Variants in COBL observed in about 807,000 individuals in gnomAD.
COBL encodes protein cordon-bleu.
Under a neutral mutation model 98.8 loss-of-function variants are expected in COBL, and 51 were observed. The ratio of observed to expected loss-of-function variants is 0.52; its 90% CI spans 0.41 to 0.65. The LOEUF (loss-of-function observed/expected upper bound fraction) is 0.65, where lower values mean the gene tolerates loss of function less well. Ranked by LOEUF, COBL falls within the 30% of genes least tolerant of loss-of-function variation. The pLI is 0.00. For synonymous variants in COBL, 634 were observed against 651.7 expected (o/e 0.97, Z 0.41); for missense variants, 1,617 against 1,617.5 (o/e 1.00, Z 0.01).
At chr7:51,225,506 AGGTCCTT>A (rs1331011939) in intron 1 of COBL, among the ~76,000 whole-genome samples, 1 of 152,206 alleles carries the variant, frequency 6.6e-6, no homozygotes, top group Admixed American at 6.5e-5. Flanking sequence ...GAGGCAGGGC[AGGTCCTT>A]GGGACTCAGC....
chr7:51,098,914 A>T (rs559004611), intron 6 of COBL, among the ~76,000 whole-genome samples: 1 of 152,308 alleles, frequency 6.6e-6, no homozygotes, highest in African/African-American at 2.4e-5. Context: ...AACAATGACA[A>T]TAAGCAAACA....
chr7:51,138,699 CAT>C (rs1799467608), intron 5 of COBL, among the ~76,000 whole-genome samples: 1 of 152,244 alleles, frequency 6.6e-6, no homozygotes, highest in African/African-American at 2.4e-5. Flanking sequence ...TGCACTCACA[CAT>C]GTGAACACAC....
At chr7:51,306,389 G>A (rs1802476744) in intron 1 of COBL, among the ~76,000 whole-genome samples, 1 of 152,152 alleles carries the variant, frequency 6.6e-6, no homozygotes, top group East Asian at 1.9e-4. Context: ...GTTACCCAAA[G>A]AAAACACAAT....
At chr7:51,132,222 T>C (rs1016206318) in intron 6 of COBL, among the ~76,000 whole-genome samples, 1 of 152,236 alleles carries the variant, frequency 6.6e-6, no homozygotes, top group East Asian at 1.9e-4. Context: ...TTAGGCATGC[T>C]GGCTACTTCT....
In COBL at chr7:51,196,358, G is replaced by A. The variant is rs183385554; in HGVS notation, c.246-2769C>T. On this transcript the variant is annotated intron_variant, in intron 2 of 12. Coordinates refer to ENST00000265136, the MANE Select transcript of COBL (RefSeq NM_015198.5). Reference sequence around the variant, plus strand: ...TCCCAGGAATAAAGACTACTTGATCGTGGTGGACAAGATTTTTGATGTGCT... The same window carrying A: ...TCCCAGGAATAAAGACTACTTGATCATGGTGGACAAGATTTTTGATGTGCT... Among the ~76,000 whole-genome samples, 7 of 152,210 alleles carry A rather than the reference G, an allele frequency of 4.6e-5. No homozygotes were observed. The East Asian group carries it at 5.8e-4, about 13-fold the overall frequency.
chr7:51,313,367 G>C (rs1462032941), intron 1 of COBL, among the ~76,000 whole-genome samples: 1 of 152,210 alleles, frequency 6.6e-6, no homozygotes, highest in East Asian at 1.9e-4. Context: ...GACAGGACTA[G>C]AGTAGCTCAA....
intron 7 of COBL, among the ~76,000 whole-genome samples, chr7:51,049,671 G>A (rs1420835216): frequency 2.0e-5 from 3 of 152,152 alleles, no homozygotes; most frequent in African/African-American, 7.2e-5. Context: ...CTGAACACAA[G>A]CATGATTTTG....
At chr7:51,246,081 T>C (rs904705115) in intron 1 of COBL, among the ~76,000 whole-genome samples, 2 of 152,348 alleles carry the variant, frequency 1.3e-5, no homozygotes, top group Admixed American at 1.3e-4. Context: ...TAAAAATATC[T>C]AGTAGCATTT....
intron 1 of COBL, among the ~76,000 whole-genome samples, chr7:51,231,696 A>G (rs1794774504): frequency 6.6e-6 from 1 of 152,224 alleles, no homozygotes; most frequent in Non-Finnish European, 1.5e-5. Context: ...AAGAGGACTT[A>G]GAAGGGGCCT....
At chr7:51,076,861 A>G (rs1357381008) in intron 7 of COBL, among the ~76,000 whole-genome samples, 1 of 152,206 alleles carries the variant, frequency 6.6e-6, no homozygotes, top group East Asian at 1.9e-4. Context: ...CAGTCACTGA[A>G]TATTTTCATT....
intron 6 of COBL, among the ~76,000 whole-genome samples, chr7:51,099,040 A>C (rs1231379449): frequency 6.6e-6 from 1 of 152,094 alleles, no homozygotes; most frequent in African/African-American, 2.4e-5. Flanking sequence ...GGGAAATGCA[A>C]ATCAAAATTA....
rs1478293878 is a variant in COBL, at chr7:51,259,978, C to T, written c.42-40034G>A. ...TAGTCATCTGAGATGCATCTTGTCA[C>T]GTTTCTGCCACCAGGAATCATATAG... On this transcript the variant is annotated intron_variant, in intron 1 of 12. Transcript: ENST00000265136. 19 of 751,974 alleles carry T rather than the reference C, an allele frequency of 2.5e-5. No homozygotes were observed. The East Asian group carries it at 3.4e-4, about 13-fold the overall frequency. The allele number at this position is 751,974 out of a possible 1,614,324, so 46.6% of individuals were successfully genotyped here. A position where few individuals can be genotyped will look rare whatever the true frequency, so the allele number is the denominator to read the frequency against.
Position 51,220,039 on chromosome 7 carries a change from G to C in COBL, c.42-95C>G. ...TTACACATACTCAGGTCTGTCTTCA[G>C]GAGCACCTTCCAAGTGCCACGGCCT... On this transcript the variant is annotated intron_variant, in intron 1 of 12. Coordinates refer to ENST00000265136, the MANE Select transcript of COBL (RefSeq NM_015198.5). 6 of 1,197,242 alleles carry C rather than the reference G, an allele frequency of 5.0e-6. No individual in the cohort carries two copies. In the South Asian group the frequency reaches 7.8e-5, roughly 16 times the overall value. 74.2% of individuals were successfully genotyped at this position (1,197,242 alleles called of 1,614,324 possible).
At chr7:51,105,178 ACGCCCGATCTTCCAAGAC>A in intron 6 of COBL, among the ~76,000 whole-genome samples, 1 of 151,484 alleles carries the variant, frequency 6.6e-6, no homozygotes, top group African/African-American at 2.4e-5. Context: ...TGCCTACAAG[ACGCCCGATCTTCCAAGAC>A]CGCCATTAAA....
Position 51,214,988 on chromosome 7 carries a change from G to A in COBL, c.245+4753C>T, listed in dbSNP as rs187900646. The stretch of plus-strand genomic sequence containing the variant: ...GAATGCCCTGCTTCTCACATAAACC[G>A]GCATTTTGCAAGTGTTATTTTTTTT... On this transcript the variant is annotated intron_variant, in intron 2 of 12. Coordinates refer to ENST00000265136, the MANE Select transcript of COBL (RefSeq NM_015198.5). Among the ~76,000 whole-genome samples, 9 of 152,196 alleles carry A rather than the reference G, an allele frequency of 5.9e-5. No individual in the cohort carries two copies. The East Asian group carries it at 1.5e-3, about 26-fold the overall frequency.
At chr7:51,162,559 A>G (rs1786920106) in intron 5 of COBL, among the ~76,000 whole-genome samples, 1 of 152,140 alleles carries the variant, frequency 6.6e-6, no homozygotes, top group Non-Finnish European at 1.5e-5. Flanking sequence ...AGACATAATA[A>G]ACCACTTACA....
At chr7:51,138,100 G>C (rs1799406045) in intron 5 of COBL, among the ~76,000 whole-genome samples, 1 of 152,128 alleles carries the variant, frequency 6.6e-6, no homozygotes, top group African/African-American at 2.4e-5. Flanking sequence ...TACGCCATTA[G>C]TGCTTCCCTG....
intron 1 of COBL, among the ~76,000 whole-genome samples, chr7:51,233,707 C>A (rs981414200): frequency 1.3e-5 from 2 of 152,100 alleles, no homozygotes; most frequent in African/African-American, 4.8e-5. Context: ...GAAAATGAAC[C>A]CCAACTCCCT....
At position 51,193,082 on chromosome 7, in the gene COBL, C is replaced by T. The variant is rs550712722; in HGVS notation, c.456+297G>A. ...CCAGTGGCTATCATATAAGAAAGTA[C>T]AGAATTAAAGACCATGCCCCTCTTT... On this transcript the variant is annotated intron_variant, in intron 3 of 12. Transcript: ENST00000265136. 1.1e-4 allele frequency among the ~76,000 whole-genome samples: 16 copies of T among 152,224 alleles called. No homozygotes were observed. In the South Asian group the frequency reaches 3.1e-3, roughly 30 times the overall value.
Sources: allele counts gnomAD v4.1 joint callset (sites outside exome capture counted in the v4.1 genomes callset), GRCh38; gene constraint gnomAD v4.1.1; transcripts MANE v1.5; gene names NCBI Gene and HGNC (gene_info 2026-07-23, HGNC 2026-07-21).